SNX29: variants seen among roughly 807,000 people sequenced by gnomAD.
SNX29 encodes the protein sorting nexin 29.
Under a neutral mutation model 102.1 loss-of-function variants are expected in SNX29, and 78 were observed. That is an observed-to-expected ratio of 0.76 (90% CI 0.64 to 0.92). SNX29 has a LOEUF of 0.92. SNX29 is among the 40% of genes least tolerant of loss of function. The probability of loss-of-function intolerance (pLI) is 0.00; values close to 1 mark genes in which losing one functional copy is unlikely to be tolerated. For missense variants in SNX29, 1,280 were observed against 1,061.7 expected (o/e 1.21, Z -2.86); for synonymous variants, 580 against 414.5 (o/e 1.40, Z -4.85).
At chr16:12,547,576 A>C (rs150535462) in intron 20 of SNX29, among the ~76,000 whole-genome samples, 111 of 151,916 alleles carry the variant, frequency 7.3e-4, no homozygotes, top group Non-Finnish European at 1.3e-3. Flanking sequence ...CCCCTCCCTC[A>C]CGAGGATTAA....
chr16:12,425,589 A>G (rs2085040818), intron 18 of SNX29, among the ~76,000 whole-genome samples: 1 of 151,600 alleles, frequency 6.6e-6, no homozygotes, highest in Non-Finnish European at 1.5e-5. Flanking sequence ...GCAGGGTGGG[A>G]AGTAGAGAAG....
intron 3 of SNX29, among the ~76,000 whole-genome samples, chr16:12,021,038 C>G (rs1596613288): frequency 6.6e-6 from 1 of 152,208 alleles, no homozygotes; most frequent in Non-Finnish European, 1.5e-5. Context: ...AGACTCCATT[C>G]CAGCTAACAT....
At chr16:12,488,219 T>G (rs2088349241) in intron 19 of SNX29, among the ~76,000 whole-genome samples, 1 of 152,122 alleles carries the variant, frequency 6.6e-6, no homozygotes, top group Non-Finnish European at 1.5e-5. Flanking sequence ...GTTCCCATCC[T>G]GCATATTTTC....
chr16:12,390,548 T>G (rs535135979), intron 16 of SNX29, among the ~76,000 whole-genome samples: 1 of 152,320 alleles, frequency 6.6e-6, no homozygotes, highest in African/African-American at 2.4e-5. Flanking sequence ...TGGAATGTAG[T>G]GCAAATCTGT....
At chr16:12,437,066 C>T (rs2085571181) in intron 18 of SNX29, among the ~76,000 whole-genome samples, 1 of 152,218 alleles carries the variant, frequency 6.6e-6, no homozygotes, top group Non-Finnish European at 1.5e-5. Context: ...TTCTGAAAGA[C>T]AGTTTGTGTT....
chr16:12,403,068 C>G (rs1277522020), intron 17 of SNX29, among the ~76,000 whole-genome samples: 1 of 152,142 alleles, frequency 6.6e-6, no homozygotes, highest in South Asian at 2.1e-4. Context: ...CTCCTGTGAT[C>G]GCGTCCTTGG....
chr16:12,311,237 CT>C (rs2080532579), intron 15 of SNX29, among the ~76,000 whole-genome samples: 1 of 152,138 alleles, frequency 6.6e-6, no homozygotes, highest in African/African-American at 2.4e-5. Flanking sequence ...TCTTTCTAAC[CT>C]TTCAGTGCCT....
rs2141603217 is a variant in SNX29, at chr16:12,574,262, C to T, written c.*5633C>T. ...CTCTTTACAATGACACAAATTGTGACATTTTATAAATTAGATACTTCAGTG... is the reference window on the plus strand; with the variant it reads ...CTCTTTACAATGACACAAATTGTGATATTTTATAAATTAGATACTTCAGTG... On this transcript the variant is annotated 3_prime_UTR_variant, in exon 21 of 21. Coordinates refer to ENST00000566228, the MANE Select transcript of SNX29 (RefSeq NM_032167.5). 5.7e-6 allele frequency: 1 copy of T among 174,922 alleles called. No individual in the cohort carries two copies. Among genetic ancestry groups the T allele is most frequent in the Non-Finnish European group, 1.2e-5 (1 of 81,022 alleles). 10.8% of individuals were successfully genotyped at this position (174,922 alleles called of 1,614,324 possible).
In SNX29 at chr16:12,571,851, G is replaced by T. The variant is rs529346804; in HGVS notation, c.*3222G>T. On this transcript the variant is annotated 3_prime_UTR_variant, in exon 21 of 21. Transcript: ENST00000566228. ...CCACTTAGCAGTATGCTCCAATCACGTTGCTGGCAAGGCATTTTAGAGTTT... is the reference window on the plus strand; with the variant it reads ...CCACTTAGCAGTATGCTCCAATCACTTTGCTGGCAAGGCATTTTAGAGTTT... 7 of 1,058,758 alleles carry T rather than the reference G, an allele frequency of 6.6e-6. No individual in the cohort carries two copies. The South Asian group carries it at 2.7e-4, about 41-fold the overall frequency. 65.6% of individuals were successfully genotyped at this position (1,058,758 alleles called of 1,614,324 possible).
chr16:12,484,641 T>TCGGGGCCTTTG (rs1488617737), intron 19 of SNX29, among the ~76,000 whole-genome samples: 3 of 151,980 alleles, frequency 2.0e-5, no homozygotes, highest in Non-Finnish European at 4.4e-5. Flanking sequence ...TGATCTCACC[T>TCGGGGCCTTTG]CGGGGCCTTT....
At chr16:12,392,463 T>C (rs1195342160) in intron 16 of SNX29, among the ~76,000 whole-genome samples, 1 of 152,184 alleles carries the variant, frequency 6.6e-6, no homozygotes, top group Non-Finnish European at 1.5e-5. Context: ...CATCCATCCA[T>C]CTGTCCATTT....
chr16:12,232,824 T>A (rs1184122888), intron 14 of SNX29, among the ~76,000 whole-genome samples: 1 of 152,202 alleles, frequency 6.6e-6, no homozygotes, highest in East Asian at 1.9e-4. Context: ...CATTGGTCCT[T>A]CAAAGTATCC....
chr16:12,156,002 G>A (rs1034323623), intron 13 of SNX29, among the ~76,000 whole-genome samples: 14 of 152,106 alleles, frequency 9.2e-5, no homozygotes, highest in Non-Finnish European at 1.9e-4. Context: ...CTGCTCCTCC[G>A]ACTCCTCCTC....
chr16:12,546,706 G>C (rs188037159), intron 20 of SNX29: 1 of 152,186 alleles, frequency 6.6e-6, no homozygotes, highest in Non-Finnish European at 1.5e-5. Context: ...TGTGATTAAA[G>C]CTATTATTTT....
chr16:12,369,892 T>C (rs2082619657), intron 16 of SNX29, among the ~76,000 whole-genome samples: 1 of 152,200 alleles, frequency 6.6e-6, no homozygotes, highest in Admixed American at 6.5e-5. Context: ...GTTCTATGTA[T>C]TTTTTGAACG....
chr16:12,554,152 TTAAG>T (rs1408358039), intron 20 of SNX29, among the ~76,000 whole-genome samples: 3 of 152,202 alleles, frequency 2.0e-5, no homozygotes, highest in Non-Finnish European at 4.4e-5. Flanking sequence ...TTTACTGTGT[TTAAG>T]TAAATGAGCA....
intron 14 of SNX29, among the ~76,000 whole-genome samples, chr16:12,265,698 CAAAAAAAAAAAA>C (rs67651482): frequency 6.6e-5 from 4 of 60,662 alleles, no homozygotes; most frequent in South Asian, 1.1e-3. Context: ...TCAACTCTAC[CAAAAAAAAAAAA>C]AAAAAAAAAA....
intron 18 of SNX29, among the ~76,000 whole-genome samples, chr16:12,434,495 C>T (rs1329851840): frequency 1.3e-5 from 2 of 152,192 alleles, no homozygotes; most frequent in Non-Finnish European, 2.9e-5. Context: ...TGTCTCAGAG[C>T]CAGAGTGATA....
At position 12,573,283 on chromosome 16, in the gene SNX29, A is replaced by C. The variant is rs935968391; in HGVS notation, c.*4654A>C. The C allele has an allele frequency of 2.2e-5, 5 of 227,302 alleles. No individual in the cohort carries two copies. The highest frequency in any genetic ancestry group is 4.4e-5 in the Non-Finnish European group (5 of 114,496). 14.1% of individuals were successfully genotyped at this position (227,302 alleles called of 1,614,324 possible). A position where few individuals can be genotyped will look rare whatever the true frequency, so the allele number is the denominator to read the frequency against. On this transcript the variant is annotated 3_prime_UTR_variant, in exon 21 of 21. Transcript: ENST00000566228. ...ATCTCTGGTATTCCTCACTCTAGCCATGAGCCATTGCCATCTTATGGGCCC... is the reference window on the plus strand; with the variant it reads ...ATCTCTGGTATTCCTCACTCTAGCCCTGAGCCATTGCCATCTTATGGGCCC...
Sources: allele counts gnomAD v4.1 joint callset (sites outside exome capture counted in the v4.1 genomes callset), GRCh38; gene constraint gnomAD v4.1.1; transcripts MANE v1.5; gene names NCBI Gene and HGNC (gene_info 2026-07-23, HGNC 2026-07-21).